TSEN15: variants seen among roughly 807,000 people sequenced by gnomAD.
TSEN15 encodes tRNA splicing endonuclease subunit 15.
In TSEN15, 10 loss-of-function variants were observed where a neutral mutation model predicts 20.5. That is an observed-to-expected ratio of 0.49 (90% confidence interval 0.30 to 0.83). TSEN15 has a LOEUF of 0.83. Among genes scored for constraint, TSEN15 ranks in the 40% least tolerant of loss-of-function variants. TSEN15 has a pLI of 0.06. For missense variants in TSEN15, 180 were observed against 218.6 expected (o/e 0.82, Z 1.11); for synonymous variants, 72 against 80.1 (o/e 0.90, Z 0.54).
chr1:184,091,172 C>T (rs1440627113), intron 3 of TSEN15, among the ~76,000 whole-genome samples: 1 of 152,008 alleles, frequency 6.6e-6, no homozygotes, highest in East Asian at 1.9e-4. Flanking sequence ...CCTCCAGTCT[C>T]AAAGCACATG....
intron 3 of TSEN15, among the ~76,000 whole-genome samples, chr1:184,055,373 T>C (rs145269618): frequency 0.01 from 1,582 of 152,224 alleles, 32 homozygotes; most frequent in African/African-American, 0.035. Flanking sequence ...ACCTCCAACA[T>C]TGGGGATTAC....
rs16822424 is a variant in TSEN15 at position 184,093,325 on chromosome 1, C to G, written c.354-2365C>G. Among the ~76,000 whole-genome samples the G allele has an allele frequency of 3.9e-3, 597 of 152,288 alleles. 3 individuals are homozygous for G. Among genetic ancestry groups the G allele is most frequent in the African/African-American group, 0.013 (544 of 41,554 alleles). On this transcript the variant is annotated intron_variant, in intron 3 of 3. Transcript: ENST00000643231. The stretch of plus-strand genomic sequence containing the variant: ...ACATAATCATGGTCAGCAACATACA[C>G]TGCCCCTTGGAGGCAGGGTGGTGGA...
chr1:184,084,003 T>A (rs1377299508), intron 3 of TSEN15, among the ~76,000 whole-genome samples: 1 of 152,116 alleles, frequency 6.6e-6, no homozygotes. Context: ...TCCTTTGAAT[T>A]TTTGAGGCCC....
chr1:184,072,390 C>A, intron 4 of TSEN15, 92 bp downstream of exon 4: 1 of 1,186,442 alleles, frequency 8.4e-7, no homozygotes, highest in South Asian at 1.8e-5. Context: ...ACAGAACTGC[C>A]ACTTCCTTTG....
At chr1:184,062,011 G>T (rs1650474033) in intron 3 of TSEN15, among the ~76,000 whole-genome samples, 2 of 152,088 alleles carry the variant, frequency 1.3e-5, no homozygotes, top group Non-Finnish European at 2.9e-5. Context: ...GTTTCAGAAG[G>T]TCTTGTGTGT....
chr1:184,082,706 T>C (rs1169624153), intron 3 of TSEN15, among the ~76,000 whole-genome samples: 2 of 152,150 alleles, frequency 1.3e-5, no homozygotes, highest in Non-Finnish European at 2.9e-5. Context: ...ACAGGTTTTT[T>C]CCCCTAGGTT....
intron 2 of TSEN15, 113 bp from the exon 3 acceptor site, chr1:184,054,615 C>T (rs1289593467): frequency 1.4e-5 from 18 of 1,321,234 alleles, no homozygotes; most frequent in Non-Finnish European, 1.8e-5. Flanking sequence ...AAAGCAAAGA[C>T]AGGAGGTAGT....
At chr1:184,077,606 C>A (rs1418763906), downstream of TSEN15, among the ~76,000 whole-genome samples, 1 of 152,084 alleles carries the variant, frequency 6.6e-6, no homozygotes, top group Non-Finnish European at 1.5e-5. Flanking sequence ...AGACTGACAA[C>A]CTTCCAGAAA....
chr1:184,055,157 G>C (rs548633611), intron 3 of TSEN15: 1 of 232,914 alleles, frequency 4.3e-6, no homozygotes, highest in African/African-American at 2.2e-5. Flanking sequence ...TTCTAGGGAG[G>C]CCTCAGGAAG....
chr1:184,072,721 C>T, intron 4 of TSEN15, 106 bp from the exon 5 acceptor site: 2 of 904,768 alleles, frequency 2.2e-6, no homozygotes, highest in South Asian at 3.0e-5. Flanking sequence ...TCTTTACATA[C>T]TTTGTTGGTA....
At chr1:184,052,371 G>C (rs906579861) in intron 1 of TSEN15, among the ~76,000 whole-genome samples, 6 of 152,178 alleles carry the variant, frequency 3.9e-5, no homozygotes, top group African/African-American at 1.4e-4. Flanking sequence ...TAATATTTCA[G>C]ATTTCTTCGA....
intron 3 of TSEN15, chr1:184,094,596 A>G (rs1294461299): frequency 6.5e-6 from 1 of 154,620 alleles, no homozygotes; most frequent in East Asian, 1.9e-4. Flanking sequence ...ATGTGAGCAG[A>G]GCATTGACAG....
At chr1:184,095,632 TCTCTCTC>T in intron 3 of TSEN15, 1 of 9,184 alleles carries the variant, frequency 1.1e-4, no homozygotes, top group Non-Finnish European at 2.1e-4. Flanking sequence ...CTCTCCCCCT[TCTCTCTC>T]TCTCTCTCTC....
At chr1:184,066,559 C>G (rs989050448) in intron 3 of TSEN15, among the ~76,000 whole-genome samples, 8 of 151,998 alleles carry the variant, frequency 5.3e-5, no homozygotes, top group Non-Finnish European at 7.4e-5. Context: ...GCGCATACCA[C>G]CACACCTGGC....
intron 1 of TSEN15, among the ~76,000 whole-genome samples, chr1:184,053,101 G>T (rs776570157): frequency 6.6e-6 from 1 of 152,144 alleles, no homozygotes; most frequent in African/African-American, 2.4e-5. Flanking sequence ...AGATTTGGTG[G>T]TGTTATTCAG....
intron 3 of TSEN15, among the ~76,000 whole-genome samples, chr1:184,085,286 A>C (rs1441879218): frequency 6.6e-6 from 1 of 152,174 alleles, no homozygotes; most frequent in East Asian, 1.9e-4. Flanking sequence ...TCTTGAAGGA[A>C]TGAATAAATT....
At chr1:184,089,059 T>A (rs1557891287) in intron 3 of TSEN15, among the ~76,000 whole-genome samples, 1 of 152,244 alleles carries the variant, frequency 6.6e-6, no homozygotes, top group Admixed American at 6.5e-5. Context: ...TCTTGTGAAG[T>A]GGCAACATGG....
At chr1:184,058,840 T>A (rs1650341758) in intron 3 of TSEN15, among the ~76,000 whole-genome samples, 1 of 152,144 alleles carries the variant, frequency 6.6e-6, no homozygotes, top group Admixed American at 6.5e-5. Context: ...AATTAACGAT[T>A]CTGTTTTCAC....
rs1650948542 is a variant in TSEN15 at position 184,073,013 on chromosome 1, G to T, written c.*166G>T. The T allele has an allele frequency of 1.6e-6, 1 of 621,868 alleles. No individual in the cohort carries two copies. The highest frequency in any genetic ancestry group is 2.8e-6 in the Non-Finnish European group (1 of 363,444). 38.5% of individuals were successfully genotyped at this position (621,868 alleles called of 1,614,324 possible). On this transcript the variant is annotated 3_prime_UTR_variant, in exon 5 of 5. Coordinates refer to ENST00000645668, the MANE Select transcript of TSEN15 (RefSeq NM_052965.4). ...AAGAGTAAAACTTCCCCAGGTAGAA[G>T]ACTTTCTCCTTCTTAAAAAATATAG...
Sources: allele counts gnomAD v4.1 joint callset (sites outside exome capture counted in the v4.1 genomes callset), GRCh38; gene constraint gnomAD v4.1.1; transcripts MANE v1.5; gene names NCBI Gene and HGNC (gene_info 2026-07-23, HGNC 2026-07-21).